EPHA3: variants seen among roughly 807,000 people sequenced by gnomAD.
The protein encoded by EPHA3 is ephrin type-A receptor 3.
Under a neutral mutation model 107.1 loss-of-function variants are expected in EPHA3, and 42 were observed. The ratio of observed to expected loss-of-function variants is 0.39; its 90% CI spans 0.31 to 0.51. The LOEUF is 0.51. Among genes scored for constraint, EPHA3 ranks in the 20% least tolerant of loss-of-function variants. The pLI is 0.78. For synonymous variants in EPHA3, 461 were observed against 424.8 expected (o/e 1.09, Z -1.05); for missense variants, 1,183 against 1,211.2 (o/e 0.98, Z 0.35).
At chr3:89,165,634 CA>C (rs1335552066) in intron 2 of EPHA3, among the ~76,000 whole-genome samples, 4 of 152,048 alleles carry the variant, frequency 2.6e-5, no homozygotes, top group African/African-American at 4.8e-5. Context: ...TTATTACCTT[CA>C]AAAAAATGTG....
intron 16 of EPHA3, among the ~76,000 whole-genome samples, chr3:89,476,278 GT>G (rs915006006): frequency 4.1e-5 from 6 of 148,100 alleles, no homozygotes; most frequent in Non-Finnish European, 5.9e-5. Context: ...ATGTAAAACA[GT>G]TTTTTGCAGA....
chr3:89,290,659 A>C (rs1031141891), intron 3 of EPHA3, among the ~76,000 whole-genome samples: 1 of 152,156 alleles, frequency 6.6e-6, no homozygotes, highest in Non-Finnish European at 1.5e-5. Context: ...ATCTATAAAT[A>C]AGGATCACAA....
intron 1 of EPHA3, among the ~76,000 whole-genome samples, chr3:89,123,800 TA>T (rs1576165524): frequency 1.3e-5 from 2 of 152,294 alleles, no homozygotes; most frequent in African/African-American, 2.4e-5. Flanking sequence ...TCACTTTCAT[TA>T]AAAAAGTTTA....
In EPHA3 at chr3:89,319,691, C is replaced by T. The variant is rs116681742; in HGVS notation, c.815-21225C>T. Among the ~76,000 whole-genome samples the T allele has an allele frequency of 4.7e-3, 721 of 151,960 alleles. 5 individuals are homozygous for T. The highest frequency in any genetic ancestry group is 0.017 in the African/African-American group (690 of 41,518). ...ATTCTGTCAGGAGAGAGCCTTTTAT[C>T]GTTTGTGCAAAAACTGGGGGCCTCA... On this transcript the variant is annotated intron_variant, in intron 3 of 16. Transcript: ENST00000336596.
At chr3:89,476,800 G>A (rs1040107355) in intron 16 of EPHA3, among the ~76,000 whole-genome samples, 15 of 151,430 alleles carry the variant, frequency 9.9e-5, no homozygotes, top group African/African-American at 3.4e-4. Context: ...AATAGAGACG[G>A]GGTATCACCG....
At chr3:89,206,785 A>T (rs1057250553) in intron 2 of EPHA3, among the ~76,000 whole-genome samples, 4 of 152,196 alleles carry the variant, frequency 2.6e-5, no homozygotes, top group Admixed American at 2.0e-4. Flanking sequence ...AGTATATTAC[A>T]TACATATAGA....
intron 3 of EPHA3, among the ~76,000 whole-genome samples, chr3:89,314,509 G>GC (rs1315275965): frequency 2.0e-5 from 3 of 151,956 alleles, no homozygotes; most frequent in Non-Finnish European, 4.4e-5. Flanking sequence ...GAAAGCTCAT[G>GC]CAAATAAATT....
intron 2 of EPHA3, among the ~76,000 whole-genome samples, chr3:89,202,532 A>ATAT (rs1327263930): frequency 2.2e-3 from 55 of 25,438 alleles, no homozygotes; most frequent in Admixed American, 7.5e-3. Context: ...AAAAAAAAAA[A>ATAT]AAATATATAT....
chr3:89,275,609 G>A (rs1705785671), intron 3 of EPHA3, among the ~76,000 whole-genome samples: 1 of 152,050 alleles, frequency 6.6e-6, no homozygotes, highest in Admixed American at 6.6e-5. Flanking sequence ...TTACAAATGT[G>A]CTCACTGCCA....
At chr3:89,190,735 G>T (rs1490922677) in intron 2 of EPHA3, among the ~76,000 whole-genome samples, 1 of 152,128 alleles carries the variant, frequency 6.6e-6, no homozygotes, top group Admixed American at 6.5e-5. Context: ...AAACCTTTGA[G>T]ATACCACAGT....
At position 89,350,248 on chromosome 3, in the gene EPHA3, G is replaced by T. The variant is rs1282948472; in HGVS notation, c.1306+8158G>T. ...GTTCCATTCTCCCCGTCACTTTCAG[G>T]TACACCAATCAGACGTAGATTTGGT... On this transcript the variant is annotated intron_variant, in intron 5 of 16. Transcript: ENST00000336596. Among the ~76,000 whole-genome samples, 1,301 of 149,462 alleles carry T rather than the reference G, an allele frequency of 8.7e-3. 22 individuals carry two copies. The highest frequency in any genetic ancestry group is 0.03 in the African/African-American group (1,216 of 40,486).
intron 3 of EPHA3, among the ~76,000 whole-genome samples, chr3:89,229,149 TAA>T (rs1704569829): frequency 6.6e-6 from 1 of 151,962 alleles, no homozygotes; most frequent in Admixed American, 6.6e-5. Flanking sequence ...TAAAATGTGT[TAA>T]GAGTGTGAAT....
At chr3:89,394,568 T>C (rs1216628336) in intron 5 of EPHA3, among the ~76,000 whole-genome samples, 1 of 152,194 alleles carries the variant, frequency 6.6e-6, no homozygotes, top group African/African-American at 2.4e-5. Flanking sequence ...AAGGCAAGCA[T>C]CATGAAAGTT....
chr3:89,168,399 G>A (rs1196088631), intron 2 of EPHA3, among the ~76,000 whole-genome samples: 5 of 151,990 alleles, frequency 3.3e-5, no homozygotes, highest in Non-Finnish European at 5.9e-5. Context: ...TTTATAGGGT[G>A]TTTCATAAGT....
intron 2 of EPHA3, among the ~76,000 whole-genome samples, chr3:89,169,002 A>G (rs1434223170): frequency 1.3e-5 from 2 of 152,266 alleles, no homozygotes; most frequent in Admixed American, 6.5e-5. Context: ...ATATATTCGC[A>G]TTTTTCAGTA....
In EPHA3 at chr3:89,387,168, CAG is replaced by C. The variant is rs1576351025; in HGVS notation, c.1307-8668_1307-8667del. 2.6e-5 allele frequency among the ~76,000 whole-genome samples: 4 copies of C among 152,180 alleles called. No individual in the cohort carries two copies. The East Asian group carries it at 7.7e-4, about 29-fold the overall frequency. On this transcript the variant is annotated intron_variant, in intron 5 of 16. Coordinates refer to ENST00000336596, the MANE Select transcript of EPHA3 (RefSeq NM_005233.6). ...TGAAGACATGAGATTTGGGAGGTGT[CAG>C]GGGTGGAATGACATGGTTTGGCTCT...
chr3:89,193,641 C>A (rs75889504), intron 2 of EPHA3, among the ~76,000 whole-genome samples: 4,912 of 151,824 alleles, frequency 0.032, 258 homozygotes, highest in African/African-American at 0.11. Flanking sequence ...TACTCATTAC[C>A]CTGATCTGTT....
intron 5 of EPHA3, among the ~76,000 whole-genome samples, chr3:89,356,654 C>T (rs963765328): frequency 1.3e-5 from 2 of 150,970 alleles, no homozygotes; most frequent in African/African-American, 2.4e-5. Flanking sequence ...TCGTGTTGTT[C>T]GTTGCACACA....
intron 5 of EPHA3, among the ~76,000 whole-genome samples, chr3:89,362,042 C>T (rs1054319583): frequency 6.6e-6 from 1 of 151,164 alleles, no homozygotes; most frequent in Non-Finnish European, 1.5e-5. Context: ...AAGACTCATA[C>T]TTCTAAAGTA....
Sources: gnomAD v4.1 joint callset for allele counts (sites outside exome capture counted in the v4.1 genomes callset) on GRCh38, gnomAD v4.1.1 for gene constraint, MANE v1.5 for transcripts, NCBI Gene and HGNC (gene_info 2026-07-23, HGNC 2026-07-21) for gene names.